The following KLHL14 variants were observed in gnomAD, a reference collection of about 807,000 sequenced individuals.
The protein encoded by KLHL14 is kelch like family member 14.
A neutral mutation model predicts 64.3 loss-of-function variants in KLHL14; 22 were observed. The ratio of observed to expected loss-of-function variants is 0.34; its 90% CI spans 0.24 to 0.49. KLHL14 has a LOEUF of 0.49. Among genes scored for constraint, KLHL14 ranks in the 20% least tolerant of loss-of-function variants. The probability of loss-of-function intolerance (pLI) is 0.99; values close to 1 mark genes in which losing one functional copy is unlikely to be tolerated. For synonymous variants in KLHL14, 322 were observed against 333.4 expected, an observed-to-expected ratio of 0.97 and a Z score of 0.37; for missense variants, 661 against 789.0, an observed-to-expected ratio of 0.84 and a Z score of 1.94.
chr18:32,751,291 G>T (rs930717113), intron 2 of KLHL14, among the ~76,000 whole-genome samples: 27 of 152,144 alleles, frequency 1.8e-4, no homozygotes, highest in African/African-American at 6.3e-4. Flanking sequence ...CAGCTGATTT[G>T]CTGTTGTATT....
At chr18:32,740,890 C>T (rs2050193101) in intron 3 of KLHL14, 1 of 152,126 alleles carries the variant, frequency 6.6e-6, no homozygotes, top group Non-Finnish European at 1.5e-5. Context: ...TTTCAAGCAC[C>T]ACCACACATG....
intron 5 of KLHL14, among the ~76,000 whole-genome samples, chr18:32,685,706 C>T (rs1444148919): frequency 1.3e-5 from 2 of 152,144 alleles, no homozygotes; most frequent in Non-Finnish European, 2.9e-5. Context: ...TATCATGCCT[C>T]ATCATTTTCA....
At chr18:32,684,610 T>C (rs968462935) in intron 5 of KLHL14, among the ~76,000 whole-genome samples, 1 of 152,110 alleles carries the variant, frequency 6.6e-6, no homozygotes, top group Non-Finnish European at 1.5e-5. Flanking sequence ...TTACAATGTG[T>C]TTTCATTATT....
At chr18:32,766,329 T>A (rs942962868) in intron 2 of KLHL14, among the ~76,000 whole-genome samples, 2 of 152,086 alleles carry the variant, frequency 1.3e-5, no homozygotes, top group Non-Finnish European at 2.9e-5. Context: ...ATTTAGACTA[T>A]GTCTTCTGTT....
chr18:32,686,484 T>G lies in KLHL14; in HGVS notation c.1238+671A>C, dbSNP rs1397317631. ...AGAGACAAAATATATGTAAATATAG[T>G]AGCCATCTTGTCCTTTGGTAGCCAG... On this transcript the variant is annotated intron_variant, in intron 5 of 8. Coordinates refer to ENST00000359358, the MANE Select transcript of KLHL14 (RefSeq NM_020805.3). Among the ~76,000 whole-genome samples, 3 of 152,166 alleles carry G rather than the reference T, an allele frequency of 2.0e-5. No individual in the cohort carries two copies. The East Asian group carries it at 5.8e-4, about 29-fold the overall frequency.
intron 3 of KLHL14, among the ~76,000 whole-genome samples, chr18:32,731,612 C>T (rs1352505084): frequency 6.6e-6 from 1 of 151,924 alleles, no homozygotes; most frequent in East Asian, 1.9e-4. Context: ...TTCACATGTA[C>T]CCCCAAAGCT....
intron 5 of KLHL14, among the ~76,000 whole-genome samples, chr18:32,682,322 T>C (rs1470981907): frequency 1.3e-5 from 2 of 152,194 alleles, no homozygotes; most frequent in African/African-American, 4.8e-5. Context: ...GAAGGAAATA[T>C]GTGCCTTGGA....
At chr18:32,695,621 G>T in intron 3 of KLHL14, 69 bp from the exon 4 acceptor site, 2 of 964,124 alleles carry the variant, frequency 2.1e-6, no homozygotes, top group African/African-American at 1.6e-5. Context: ...TTGGCTCACT[G>T]GCTATTTGTT....
intron 3 of KLHL14, among the ~76,000 whole-genome samples, chr18:32,720,525 A>G (rs2050072784): frequency 6.6e-6 from 1 of 152,214 alleles, no homozygotes; most frequent in South Asian, 2.1e-4. Flanking sequence ...GCAGTCAGAA[A>G]TACAGTAGTC....
At chr18:32,697,751 CT>C (rs1364969109) in intron 3 of KLHL14, among the ~76,000 whole-genome samples, 1 of 152,106 alleles carries the variant, frequency 6.6e-6, no homozygotes, top group Admixed American at 6.6e-5. Context: ...TTGATTACCC[CT>C]ATTGTTATGC....
At chr18:32,701,539 A>C (rs2049966329) in intron 3 of KLHL14, among the ~76,000 whole-genome samples, 2 of 152,192 alleles carry the variant, frequency 1.3e-5, no homozygotes, top group South Asian at 4.1e-4. Flanking sequence ...CACAGGCTGA[A>C]ATGCAGGTCT....
chr18:32,713,577 G>A (rs2050030908), intron 3 of KLHL14, among the ~76,000 whole-genome samples: 1 of 152,142 alleles, frequency 6.6e-6, no homozygotes, highest in Non-Finnish European at 1.5e-5. Flanking sequence ...AACATAGGGA[G>A]ACCCCATCTG....
At chr18:32,690,438 G>C (rs1009919625) in intron 4 of KLHL14, among the ~76,000 whole-genome samples, 4 of 152,076 alleles carry the variant, frequency 2.6e-5, no homozygotes, top group Non-Finnish European at 5.9e-5. Flanking sequence ...TCAGAAGACA[G>C]CCAGGTTTTG....
intron 2 of KLHL14, chr18:32,745,285 A>T (rs947384279): frequency 1.9e-4 from 29 of 152,240 alleles, no homozygotes; most frequent in African/African-American, 7.0e-4. Context: ...TTAATTCTAA[A>T]TAAAACTTGA....
chr18:32,723,779 G>A (rs1041251478), intron 3 of KLHL14, among the ~76,000 whole-genome samples: 2 of 151,984 alleles, frequency 1.3e-5, no homozygotes, highest in Non-Finnish European at 1.5e-5. Context: ...TGGAGAGGGG[G>A]GTACACTAGT....
intron 3 of KLHL14, among the ~76,000 whole-genome samples, chr18:32,721,845 A>G (rs8099131): frequency 0.3 from 44,879 of 152,056 alleles, 6,887 homozygotes; most frequent in African/African-American, 0.37. Context: ...GAATACCCAC[A>G]TGACCTAAAA....
Position 32,683,340 on chromosome 18 carries a change from G to T in KLHL14, c.1239-2741C>A. ...TTTAGGTAGAAATTCCAATAGTAAAGATTCTGAGTCTTTGACTTATTCCCT... is the reference window on the plus strand; with the variant it reads ...TTTAGGTAGAAATTCCAATAGTAAATATTCTGAGTCTTTGACTTATTCCCT... On this transcript the variant is annotated intron_variant, in intron 5 of 8. Transcript: ENST00000359358. The surrounding 1 kb of genome is among the most constrained non-coding windows in gnomAD (Gnocchi z 4.2). 6.6e-6 allele frequency among the ~76,000 whole-genome samples: 1 copy of T among 152,110 alleles called. No individual in the cohort carries two copies.
chr18:32,697,059 T>A (rs1400934395), intron 3 of KLHL14, among the ~76,000 whole-genome samples: 1 of 152,174 alleles, frequency 6.6e-6, no homozygotes, highest in East Asian at 1.9e-4. Context: ...GGCAGTGGTT[T>A]GCGCGGTCCA....
intron 5 of KLHL14, among the ~76,000 whole-genome samples, chr18:32,684,595 G>A (rs1471827559): frequency 6.6e-6 from 1 of 152,092 alleles, no homozygotes; most frequent in Non-Finnish European, 1.5e-5. Flanking sequence ...TACCCCAGAG[G>A]TGGCTTACAA....
Sources: allele counts gnomAD v4.1 joint callset (sites outside exome capture counted in the v4.1 genomes callset), GRCh38; gene constraint gnomAD v4.1.1; non-coding constraint Gnocchi (gnomAD v3.1); transcripts MANE v1.5; gene names NCBI Gene and HGNC (gene_info 2026-07-23, HGNC 2026-07-21).